Variants in GOLIM4 observed in about 807,000 individuals in gnomAD.
The protein encoded by GOLIM4 is 130 kDa golgi-localized phosphoprotein.
GOLIM4 carries 71 observed loss-of-function variants against 107.4 expected under a neutral mutation model. The ratio of observed to expected loss-of-function variants is 0.66; its 90% CI spans 0.55 to 0.81. The LOEUF (loss-of-function observed/expected upper bound fraction) is 0.81, where lower values mean the gene tolerates loss of function less well. Ranked by LOEUF, GOLIM4 falls within the 30% of genes least tolerant of loss-of-function variation. The probability of loss-of-function intolerance (pLI) is 0.00; values close to 1 mark genes in which losing one functional copy is unlikely to be tolerated. For synonymous variants in GOLIM4, 327 were observed against 294.8 expected (o/e 1.11, Z -1.12); for missense variants, 830 against 826.1 (o/e 1.00, Z -0.06).
At chr3:168,048,145 A>C (rs1417716817) in intron 2 of GOLIM4, 146 bp downstream of exon 2, 6 of 650,942 alleles carry the variant, frequency 9.2e-6, no homozygotes, top group Non-Finnish European at 1.4e-5. Context: ...ATAATATATT[A>C]CTTGACATGT....
rs779378908 is a variant in GOLIM4, at chr3:168,010,782, C to T, written c.1902G>A (p.Glu634=). 9 of 1,612,378 alleles carry T rather than the reference C, an allele frequency of 5.6e-6. No homozygotes were observed. The South Asian group carries it at 7.7e-5, about 14-fold the overall frequency. ...CACCATAGGTCTCTTCAGCATTATG[C>T]TCCAGTTCCCTTTTTTTCTCTTCAG... ...DLTEEKKREL[E]HNAEETYGEN... is the part of the protein sequence containing the mutation. The change falls in exon 15 of 16, where the codon GAG becomes GAA. Residue 634 remains glutamate, a synonymous_variant. Transcript: ENST00000470487.
chr3:168,047,124 G>C, intron 2 of GOLIM4, 125 bp from the exon 3 acceptor site: 1 of 511,490 alleles, frequency 2.0e-6, no homozygotes, highest in Non-Finnish European at 3.5e-6. Context: ...AATCTACTTG[G>C]TGATTTACAT....
At chr3:168,045,599 A>T (rs1324112243) in intron 3 of GOLIM4, among the ~76,000 whole-genome samples, 2 of 152,150 alleles carry the variant, frequency 1.3e-5, no homozygotes, top group Non-Finnish European at 2.9e-5. Context: ...AGCCATAACC[A>T]GTCAGTATGC....
rs73037466 is a variant in GOLIM4, at chr3:168,025,201, C to T, written c.1624-106G>A. On this transcript the variant is annotated intron_variant, in intron 12 of 15. Coordinates refer to ENST00000470487, the MANE Select transcript of GOLIM4 (RefSeq NM_014498.5). ...GCAGAAAATGAAATTGTCCTTCCCTCAATTGTTCAGATCTATCCTTGCCAA... is the reference window on the plus strand; with the variant it reads ...GCAGAAAATGAAATTGTCCTTCCCTTAATTGTTCAGATCTATCCTTGCCAA... 3,449 of 852,666 alleles carry T rather than the reference C, an allele frequency of 4.0e-3. 82 individuals are homozygous for T. The African/African-American group carries it at 0.051, about 13-fold the overall frequency. 52.8% of individuals were successfully genotyped at this position (852,666 alleles called of 1,614,324 possible). A position where few individuals can be genotyped will look rare whatever the true frequency, so the allele number is the denominator to read the frequency against.
chr3:168,037,994 A>G (rs556143012), intron 7 of GOLIM4, among the ~76,000 whole-genome samples: 4 of 152,194 alleles, frequency 2.6e-5, no homozygotes, highest in Non-Finnish European at 4.4e-5. Context: ...GAGTGGAGCC[A>G]GAACCCACCA....
At chr3:168,062,303 CAGAT>C (rs879292005) in intron 1 of GOLIM4, among the ~76,000 whole-genome samples, 48 of 152,014 alleles carry the variant, frequency 3.2e-4, no homozygotes, top group Non-Finnish European at 5.1e-4. Flanking sequence ...TCCTAAGCCT[CAGAT>C]AGGATTTGGT....
chr3:168,077,264 A>AG (rs1322957861), intron 1 of GOLIM4, among the ~76,000 whole-genome samples: 2 of 152,158 alleles, frequency 1.3e-5, no homozygotes, highest in Non-Finnish European at 1.5e-5. Flanking sequence ...TACCACTCGG[A>AG]GGGGCAGAGC....
At chr3:168,055,694 C>T (rs187322440) in intron 1 of GOLIM4, among the ~76,000 whole-genome samples, 86 of 151,092 alleles carry the variant, frequency 5.7e-4, no homozygotes, top group Non-Finnish European at 9.9e-4. Flanking sequence ...CCCAGCTACT[C>T]GGGAGGCTGA....
At chr3:168,070,742 GA>G (rs1720792946) in intron 1 of GOLIM4, among the ~76,000 whole-genome samples, 1 of 152,150 alleles carries the variant, frequency 6.6e-6, no homozygotes, top group South Asian at 2.1e-4. Flanking sequence ...TAAATTCTGT[GA>G]ACTTTCTAGA....
chr3:168,016,217 A>C (rs1237175687), intron 14 of GOLIM4, among the ~76,000 whole-genome samples: 1 of 134,406 alleles, frequency 7.4e-6, no homozygotes, highest in Non-Finnish European at 1.5e-5. Context: ...CAACCCCATC[A>C]AAAAGTGGGC....
intron 1 of GOLIM4, among the ~76,000 whole-genome samples, chr3:168,084,136 G>C (rs1368067250): frequency 6.6e-6 from 1 of 152,038 alleles, no homozygotes; most frequent in Non-Finnish European, 1.5e-5. Flanking sequence ...GTTCTCACAA[G>C]AACTGATGGT....
intron 1 of GOLIM4, among the ~76,000 whole-genome samples, chr3:168,055,289 T>C (rs1262305265): frequency 1.3e-5 from 2 of 152,114 alleles, no homozygotes; most frequent in East Asian, 1.9e-4. Context: ...TTAAGCAAAA[T>C]GCTGATAATG....
At chr3:168,091,171 C>A (rs1577584496) in intron 1 of GOLIM4, among the ~76,000 whole-genome samples, 1 of 152,186 alleles carries the variant, frequency 6.6e-6, no homozygotes, top group African/African-American at 2.4e-5. Flanking sequence ...ACATTTGTGA[C>A]CTTTTTTTAA....
intron 1 of GOLIM4, among the ~76,000 whole-genome samples, chr3:168,060,100 G>GT (rs111922454): frequency 0.28 from 40,938 of 145,438 alleles, 7,142 homozygotes; most frequent in African/African-American, 0.51. Context: ...CCATTAGAGA[G>GT]TTTTTTTTTT....
At chr3:168,035,200 T>C (rs965718259) in intron 8 of GOLIM4, among the ~76,000 whole-genome samples, 2 of 152,214 alleles carry the variant, frequency 1.3e-5, no homozygotes, top group African/African-American at 4.8e-5. Flanking sequence ...TTATACACTG[T>C]TGGTGGGAGT....
At chr3:168,022,634 C>T (rs78090302) in intron 14 of GOLIM4, among the ~76,000 whole-genome samples, 1 of 152,040 alleles carries the variant, frequency 6.6e-6, no homozygotes, top group African/African-American at 2.4e-5. Context: ...TAACCACACA[C>T]AAAAATACAA....
At chr3:168,015,186 G>A (rs900672638) in intron 14 of GOLIM4, among the ~76,000 whole-genome samples, 3 of 140,588 alleles carry the variant, frequency 2.1e-5, no homozygotes, top group Non-Finnish European at 4.5e-5. Context: ...AGCAACTTCA[G>A]CAAAGTCTCA....
chr3:168,091,558 G>A (rs1261685286), intron 1 of GOLIM4, among the ~76,000 whole-genome samples: 7 of 152,186 alleles, frequency 4.6e-5, no homozygotes. Flanking sequence ...ATAAAAGGAG[G>A]TGGTTAGCTA....
rs942903502 is a variant in GOLIM4, at chr3:168,020,064, C to T, written c.1860+4462G>A. Among the ~76,000 whole-genome samples the T allele has an allele frequency of 2.6e-4, 39 of 152,166 alleles. 1 individual carries two copies. Among genetic ancestry groups the T allele is most frequent in the African/African-American group, 9.7e-5 (4 of 41,446 alleles). ...TTACTGTGCATGGTACACTTAATTACGGTAGCCTTTAAAATCAGACCTAGG... is the reference window on the plus strand; with the variant it reads ...TTACTGTGCATGGTACACTTAATTATGGTAGCCTTTAAAATCAGACCTAGG... On this transcript the variant is annotated intron_variant, in intron 14 of 15. Coordinates refer to ENST00000470487, the MANE Select transcript of GOLIM4 (RefSeq NM_014498.5).
Sources: allele counts gnomAD v4.1 joint callset (sites outside exome capture counted in the v4.1 genomes callset), GRCh38; gene constraint gnomAD v4.1.1; transcripts MANE v1.5; gene names NCBI Gene and HGNC (gene_info 2026-07-23, HGNC 2026-07-21).